The following ARHGAP25 variants were observed in gnomAD, a reference collection of about 807,000 sequenced individuals.
ARHGAP25 encodes the protein rho GTPase-activating protein 25.
ARHGAP25 carries 34 observed loss-of-function variants against 71.0 expected under a neutral mutation model. The observed-to-expected ratio is 0.48, with a 90% confidence interval of 0.36 to 0.64. The LOEUF is 0.64. Ranked by LOEUF, ARHGAP25 falls within the 30% of genes least tolerant of loss-of-function variation. The pLI is 0.00. For missense variants in ARHGAP25, 706 were observed against 805.1 expected, an observed-to-expected ratio of 0.88 and a Z score of 1.49; for synonymous variants, 282 against 296.5, an observed-to-expected ratio of 0.95 and a Z score of 0.50.
At chr2:68,798,350 T>C (rs1401182152) in intron 4 of ARHGAP25, among the ~76,000 whole-genome samples, 1 of 152,218 alleles carries the variant, frequency 6.6e-6, no homozygotes, top group Non-Finnish European at 1.5e-5. Flanking sequence ...AGATGATATT[T>C]ACTTATTTCC....
intron 4 of ARHGAP25, among the ~76,000 whole-genome samples, chr2:68,792,206 C>T (rs1679226065): frequency 6.6e-6 from 1 of 152,192 alleles, no homozygotes; most frequent in African/African-American, 2.4e-5. Flanking sequence ...TTACATTGTT[C>T]TCCTTTACCC....
chr2:68,721,015 C>T (rs577749797), intron 2 of ARHGAP25, among the ~76,000 whole-genome samples: 341 of 152,292 alleles, frequency 2.2e-3, no homozygotes, highest in Middle Eastern at 0.01. Context: ...GCATAATATC[C>T]TCATTGCTTT....
intron 1 of ARHGAP25, among the ~76,000 whole-genome samples, chr2:68,746,795 T>C (rs1194230280): frequency 6.6e-6 from 1 of 151,568 alleles, no homozygotes; most frequent in Non-Finnish European, 1.5e-5. Flanking sequence ...TCACCTGAGG[T>C]TGGGCGTTCG....
intron 3 of ARHGAP25, among the ~76,000 whole-genome samples, chr2:68,787,047 T>C (rs1349100834): frequency 6.6e-6 from 1 of 152,248 alleles, no homozygotes; most frequent in Non-Finnish European, 1.5e-5. Context: ...ACTAACTGCA[T>C]GGTCCAAGAC....
intron 5 of ARHGAP25, among the ~76,000 whole-genome samples, chr2:68,807,687 G>C (rs1680474298): frequency 6.6e-6 from 1 of 152,180 alleles, no homozygotes; most frequent in Non-Finnish European, 1.5e-5. Flanking sequence ...TAGTTTATGT[G>C]ACAGATGATG....
intron 1 of ARHGAP25, among the ~76,000 whole-genome samples, chr2:68,760,598 A>T (rs1558619312): frequency 6.6e-6 from 1 of 152,064 alleles, no homozygotes; most frequent in Non-Finnish European, 1.5e-5. Flanking sequence ...CATCAAAAAG[A>T]ATAAATTAAT....
At chr2:68,731,805 C>T (rs888916189), upstream of ARHGAP25, among the ~76,000 whole-genome samples, 1 of 151,592 alleles carries the variant, frequency 6.6e-6, no homozygotes, top group Non-Finnish European at 1.5e-5. Context: ...TTAGGCCCCT[C>T]GCATATACAC....
intron 2 of ARHGAP25, among the ~76,000 whole-genome samples, chr2:68,781,311 AC>A (rs1678317296): frequency 6.6e-6 from 1 of 152,148 alleles, no homozygotes; most frequent in South Asian, 2.1e-4. Context: ...AATAACTTGA[AC>A]CCAGGAGGCA....
chr2:68,785,794 A>G (rs1273648179), intron 3 of ARHGAP25, among the ~76,000 whole-genome samples: 3 of 152,200 alleles, frequency 2.0e-5, no homozygotes, highest in Non-Finnish European at 4.4e-5. Context: ...TTAAGAAAAG[A>G]AGAGAGGTCC....
rs758044079 is a variant in ARHGAP25 at position 68,775,433 on chromosome 2, C to T, written c.261+13C>T. 1.2e-6 allele frequency: 2 copies of T among 1,614,116 alleles called. No individual in the cohort carries two copies. Among genetic ancestry groups the T allele is most frequent in the South Asian group, 1.1e-5 (1 of 91,070 alleles). Reference sequence around the variant, plus strand: ...CACGAAGCCCCAGGTACCAGCCAGGCTGTTTGTCCCGTTCATAAGGCACGG... The same window carrying T: ...CACGAAGCCCCAGGTACCAGCCAGGTTGTTTGTCCCGTTCATAAGGCACGG... On this transcript the variant is annotated intron_variant, in intron 2 of 10. Transcript: ENST00000409202.
intron 1 of ARHGAP25, among the ~76,000 whole-genome samples, chr2:68,762,599 C>G (rs1676895141): frequency 2.0e-5 from 3 of 152,118 alleles, no homozygotes; most frequent in Admixed American, 6.5e-5. Flanking sequence ...GGTTCTCCTT[C>G]TTTTACCTCC....
chr2:68,718,757 T>C (rs2104252978), intron 2 of ARHGAP25, among the ~76,000 whole-genome samples: 1 of 152,306 alleles, frequency 6.6e-6, no homozygotes. Flanking sequence ...GACACAGAGC[T>C]CTTAAATTTC....
At chr2:68,780,228 G>A (rs1678224546) in intron 2 of ARHGAP25, among the ~76,000 whole-genome samples, 1 of 152,170 alleles carries the variant, frequency 6.6e-6, no homozygotes, top group Non-Finnish European at 1.5e-5. Flanking sequence ...CTCAATAAAT[G>A]GCATGTATAT....
chr2:68,792,055 G>A (rs556859705), intron 4 of ARHGAP25, among the ~76,000 whole-genome samples: 1 of 152,224 alleles, frequency 6.6e-6, no homozygotes, highest in East Asian at 1.9e-4. Flanking sequence ...ACTGAAACCT[G>A]GTCCCTGTCC....
At chr2:68,810,482 T>C (rs191761229) in intron 5 of ARHGAP25, among the ~76,000 whole-genome samples, 16 of 152,322 alleles carry the variant, frequency 1.1e-4, no homozygotes, top group African/African-American at 3.4e-4. Flanking sequence ...AGGATTATTT[T>C]TGGTGAAATG....
chr2:68,777,737 A>C (rs1558630733), intron 2 of ARHGAP25, among the ~76,000 whole-genome samples: 1 of 152,204 alleles, frequency 6.6e-6, no homozygotes, highest in Non-Finnish European at 1.5e-5. Context: ...AAAATAGAAA[A>C]ATAAAACCTT....
At chr2:68,738,004 T>C (rs961521022) in intron 1 of ARHGAP25, among the ~76,000 whole-genome samples, 7 of 152,192 alleles carry the variant, frequency 4.6e-5, no homozygotes, top group Non-Finnish European at 1.0e-4. Flanking sequence ...CAGATTTTCA[T>C]GCAGTGATGA....
chr2:68,716,270 A>G (rs982744207), intron 2 of ARHGAP25, among the ~76,000 whole-genome samples: 2 of 152,208 alleles, frequency 1.3e-5, no homozygotes, highest in Non-Finnish European at 2.9e-5. Context: ...GTTTGCTTTT[A>G]CTGAGACTTG....
intron 1 of ARHGAP25, among the ~76,000 whole-genome samples, chr2:68,749,378 C>T (rs1376796338): frequency 6.6e-6 from 1 of 152,148 alleles, no homozygotes; most frequent in African/African-American, 2.4e-5. Flanking sequence ...GCCTCATGAC[C>T]TCCTCCTTCC....
Sources: gnomAD v4.1 joint callset for allele counts (sites outside exome capture counted in the v4.1 genomes callset) on GRCh38, gnomAD v4.1.1 for gene constraint, MANE v1.5 for transcripts, NCBI Gene and HGNC (gene_info 2026-07-23, HGNC 2026-07-21) for gene names.